The following ARHGEF39 variants were observed in gnomAD, a reference collection of about 807,000 sequenced individuals.
ARHGEF39 encodes Rho guanine nucleotide exchange factor 39, also known as Rho guanine nucleotide exchange factor (GEF) 39.
A neutral mutation model predicts 47.5 loss-of-function variants in ARHGEF39; 45 were observed. The ratio of observed to expected loss-of-function variants is 0.95; its 90% CI spans 0.75 to 1.22. The LOEUF (loss-of-function observed/expected upper bound fraction) is 1.22, where lower values mean the gene tolerates loss of function less well. Among genes scored for constraint, ARHGEF39 ranks in the 50% most tolerant of loss-of-function variants. The probability of loss-of-function intolerance (pLI) is 0.00; values close to 1 mark genes in which losing one functional copy is unlikely to be tolerated. For synonymous variants in ARHGEF39, 164 were observed against 167.8 expected (o/e 0.98, Z 0.17); for missense variants, 411 against 425.3 (o/e 0.97, Z 0.30).
rs889503463 is a variant in ARHGEF39, at chr9:35,659,411, T to C, written c.*2576A>G. 2.6e-5 allele frequency: 4 copies of C among 152,234 alleles called. No individual in the cohort carries two copies. The highest frequency in any genetic ancestry group is 6.5e-5 in the Admixed American group (1 of 15,284). 9.4% of individuals were successfully genotyped at this position (152,234 alleles called of 1,614,324 possible). A position where few individuals can be genotyped will look rare whatever the true frequency, so the allele number is the denominator to read the frequency against. Reference sequence around the variant, plus strand: ...GACTAGTAAATTCTGTTCTTGGACCTGAGTACAGTCTGGGAGAAACATAAT... The same window carrying C: ...GACTAGTAAATTCTGTTCTTGGACCCGAGTACAGTCTGGGAGAAACATAAT... On this transcript the variant is annotated 3_prime_UTR_variant, in exon 9 of 9. Transcript: ENST00000378387.
At position 35,661,420 on chromosome 9, in the gene ARHGEF39, G is replaced by A; in HGVS notation, c.*567C>T. ...AAATCCCTTTTCTCATAGCAAAACTGAGACAGAAGGGTCTTTCCCAAAAAA... is the reference window on the plus strand; with the variant it reads ...AAATCCCTTTTCTCATAGCAAAACTAAGACAGAAGGGTCTTTCCCAAAAAA... On this transcript the variant is annotated 3_prime_UTR_variant, in exon 9 of 9. Coordinates refer to ENST00000378387, the MANE Select transcript of ARHGEF39 (RefSeq NM_032818.3). 2.2e-6 allele frequency: 1 copy of A among 453,350 alleles called. No individual in the cohort carries two copies. The highest frequency in any genetic ancestry group is 3.9e-6 in the Non-Finnish European group (1 of 258,178). The allele number at this position is 453,350 out of a possible 1,614,324, so 28.1% of individuals were successfully genotyped here.
chr9:35,660,757 T>TG lies in ARHGEF39; in HGVS notation c.*1229dup. ...GGACATTTCTTCAGTGTGACTACTCTGGCTGGAGCCCAGCAGGAGCTTCTG... is the reference window on the plus strand; with the variant it reads ...GGACATTTCTTCAGTGTGACTACTCTGGGCTGGAGCCCAGCAGGAGCTTCTG... On this transcript the variant is annotated 3_prime_UTR_variant, in exon 9 of 9. Coordinates refer to ENST00000378387, the MANE Select transcript of ARHGEF39 (RefSeq NM_032818.3). 1.2e-6 allele frequency: 2 copies of TG among 1,613,920 alleles called. No individual in the cohort carries two copies. The highest frequency in any genetic ancestry group is 1.7e-6 in the Non-Finnish European group (2 of 1,179,832).
rs1823819222 is a variant in ARHGEF39, at chr9:35,659,962, A to C, written c.*2025T>G. 1 of 154,796 alleles carries C rather than the reference A, an allele frequency of 6.5e-6. No individual in the cohort carries two copies. The highest frequency in any genetic ancestry group is 1.4e-5 in the Non-Finnish European group (1 of 69,726). The allele number at this position is 154,796 out of a possible 1,614,324, so 9.6% of individuals were successfully genotyped here. ...CAGGTTCAAGCGATTCTCCTGCCTC[A>C]GCCTCTCAAGTAACTGGGATTACAG... On this transcript the variant is annotated 3_prime_UTR_variant, in exon 9 of 9. Transcript: ENST00000378387.
chr9:35,664,473 C>A lies in ARHGEF39; in HGVS notation c.253G>T (p.Glu85Ter). Residue 85 changes from glutamate to a stop codon, truncating the protein, a stop_gained, in exon 3 of 9, where the codon GAA becomes TAA. Coordinates refer to ENST00000378387, the MANE Select transcript of ARHGEF39 (RefSeq NM_032818.3). LOFTEE classifies it high-confidence loss of function. ...AGCCCTTGGCCCCAGCATCCTCCTT[C>A]CAGGTAGGGAAGCAGCTCCCTGTGT... ...GASQELLPYL[E>*]GGCWGQGLEG... The A allele has an allele frequency of 6.2e-7, 1 of 1,605,498 alleles. No homozygotes were observed. The highest frequency in any genetic ancestry group is 8.5e-7 in the Non-Finnish European group (1 of 1,175,232).
In ARHGEF39 at chr9:35,662,747, G is replaced by T; in HGVS notation, c.674-6C>A. On this transcript the variant is annotated splice_region_variant and splice_polypyrimidine_tract_variant and intron_variant, in intron 6 of 8. Transcript: ENST00000378387. ...CTGGCGTAGGAACCAGCGCCCTGGG[G>T]GATGGGAGCGCTGTTATTCTGGTGC... 1 of 1,552,942 alleles carries T rather than the reference G, an allele frequency of 6.4e-7. No individual in the cohort carries two copies.
At chr9:35,662,033 T>C in intron 8 of ARHGEF39, 31 bp from the exon 9 acceptor site, 2 of 1,613,488 alleles carry the variant, frequency 1.2e-6, no homozygotes, top group Non-Finnish European at 1.7e-6. Flanking sequence ...GTTCAGGCAC[T>C]GGTATGAGTG....
chr9:35,664,518 G>A (rs372692571), intron 2 of ARHGEF39, 26 bp from the exon 3 acceptor site: 214 of 1,578,044 alleles, frequency 1.4e-4, no homozygotes, highest in Non-Finnish European at 1.8e-4. Flanking sequence ...CAGCAAAAGG[G>A]CAGCTCTAGA....
chr9:35,663,734 C>T (rs973414309), intron 4 of ARHGEF39, among the ~76,000 whole-genome samples: 10 of 152,250 alleles, frequency 6.6e-5, no homozygotes, highest in African/African-American at 1.9e-4. Flanking sequence ...AGGCCAGCCC[C>T]GCATCTGAAA....
rs571834180 is a variant in ARHGEF39 at position 35,662,820 on chromosome 9, G to C, written c.674-79C>G. 6.6e-6 allele frequency: 10 copies of C among 1,524,918 alleles called. No individual in the cohort carries two copies. In the Admixed American group the frequency reaches 8.2e-5, roughly 12 times the overall value. The allele number at this position is 1,524,918 out of a possible 1,614,324, so 94.5% of individuals were successfully genotyped here. ...AGAGGAAAGGGAGGCTGAGAAAATA[G>C]GGGTTATGTGCTGGGTCAGTACAGG... On this transcript the variant is annotated intron_variant, in intron 6 of 8. Transcript: ENST00000378387.
At position 35,661,009 on chromosome 9, in the gene ARHGEF39, C is replaced by T. The variant is rs778499991; in HGVS notation, c.*978G>A. 16 of 1,613,958 alleles carry T rather than the reference C, an allele frequency of 9.9e-6. No homozygotes were observed. In the East Asian group the frequency reaches 3.6e-4, roughly 36 times the overall value. The stretch of plus-strand genomic sequence containing the variant: ...GAGGAGGAGATTGGTGACAGTCAGG[C>T]CTGGGAGGAGCCCACAAACTGGAGC... On this transcript the variant is annotated 3_prime_UTR_variant, in exon 9 of 9. Transcript: ENST00000378387.
chr9:35,663,317 C>G lies in ARHGEF39; in HGVS notation c.544+5G>C. Reference sequence around the variant, plus strand: ...AGCCTGCGTTGCCGAGGAGCAAGAACCTACGTGTGAGCTGTTGATGGTCAG... The same window carrying G: ...AGCCTGCGTTGCCGAGGAGCAAGAAGCTACGTGTGAGCTGTTGATGGTCAG... On this transcript the variant is annotated splice_donor_5th_base_variant and intron_variant, in intron 5 of 8. Coordinates refer to ENST00000378387, the MANE Select transcript of ARHGEF39 (RefSeq NM_032818.3). The G allele has an allele frequency of 6.2e-7, 1 of 1,613,906 alleles. No individual in the cohort carries two copies.
Position 35,660,674 on chromosome 9 carries a change from TTTTGGGGAATTTGTGGCAGGAGGGAGGAA to T in ARHGEF39, c.*1284_*1312del. ...TGAGGAGAGCAATGATTCTGTGAAT[TTTTGGGGAATTTGTGGCAGGAGGGAGGAA>T]TGGGGACATAGGTTGGGAGCCACTG... On this transcript the variant is annotated 3_prime_UTR_variant, in exon 9 of 9. Transcript: ENST00000378387. 1.2e-6 allele frequency: 2 copies of T among 1,613,968 alleles called. No individual in the cohort carries two copies. Among genetic ancestry groups the T allele is most frequent in the South Asian group, 2.2e-5 (2 of 91,070 alleles).
chr9:35,661,059 T>G lies in ARHGEF39; in HGVS notation c.*928A>C. On this transcript the variant is annotated 3_prime_UTR_variant, in exon 9 of 9. Coordinates refer to ENST00000378387, the MANE Select transcript of ARHGEF39 (RefSeq NM_032818.3). Reference sequence around the variant, plus strand: ...CACAGAGACATGGAACCTAGCTACTTCCTGGGAGGTGGGGCGGGGACTACG... The same window carrying G: ...CACAGAGACATGGAACCTAGCTACTGCCTGGGAGGTGGGGCGGGGACTACG... 6.2e-7 allele frequency: 1 copy of G among 1,614,158 alleles called. No homozygotes were observed.
At position 35,664,479 on chromosome 9, in the gene ARHGEF39, A is replaced by G. The variant is rs1257506106; in HGVS notation, c.247T>C (p.Tyr83His). 2.5e-6 allele frequency: 4 copies of G among 1,603,566 alleles called. No individual in the cohort carries two copies. Among genetic ancestry groups the G allele is most frequent in the Admixed American group, 1.7e-5 (1 of 58,066 alleles). ...IYGASQELLPYLEGGCWGQGL... is the reference protein window; with the variant it reads ...IYGASQELLPHLEGGCWGQGL... ...TGGCCCCAGCATCCTCCTTCCAGGT[A>G]GGGAAGCAGCTCCCTGTGTGGGCAA... The change falls in exon 3 of 9, where the codon TAC becomes CAC. Residue 83 changes from tyrosine (Y) to histidine (H), a missense_variant. Tyr to His is a moderately conservative substitution (Grantham distance 83). Coordinates refer to ENST00000378387, the MANE Select transcript of ARHGEF39 (RefSeq NM_032818.3).
At position 35,660,480 on chromosome 9, in the gene ARHGEF39, T is replaced by A. The variant is rs1187054801; in HGVS notation, c.*1507A>T. 1 of 1,613,244 alleles carries A rather than the reference T, an allele frequency of 6.2e-7. No individual in the cohort carries two copies. ...CAGTCAGGTGGGTTTAGCAGAAGTC[T>A]GTGCTGGGTCGGGGGAGTTTAGGGG... On this transcript the variant is annotated 3_prime_UTR_variant, in exon 9 of 9. Coordinates refer to ENST00000378387, the MANE Select transcript of ARHGEF39 (RefSeq NM_032818.3).
At position 35,661,084 on chromosome 9, in the gene ARHGEF39, G is replaced by A. The variant is rs756761846; in HGVS notation, c.*903C>T. ...TCCTGGGAGGTGGGGCGGGGACTACGGAGAAGGTGCAGCCAGGCTGTGGCA... is the reference window on the plus strand; with the variant it reads ...TCCTGGGAGGTGGGGCGGGGACTACAGAGAAGGTGCAGCCAGGCTGTGGCA... On this transcript the variant is annotated 3_prime_UTR_variant, in exon 9 of 9. Transcript: ENST00000378387. 39 of 1,614,160 alleles carry A rather than the reference G, an allele frequency of 2.4e-5. No individual in the cohort carries two copies. The highest frequency in any genetic ancestry group is 3.3e-4 in the Middle Eastern group (2 of 6,060).
chr9:35,660,346 G>A lies in ARHGEF39; in HGVS notation c.*1641C>T. The A allele has an allele frequency of 6.8e-7, 1 of 1,467,128 alleles. No homozygotes were observed. The highest frequency in any genetic ancestry group is 9.2e-7 in the Non-Finnish European group (1 of 1,085,096). 90.9% of individuals were successfully genotyped at this position (1,467,128 alleles called of 1,614,324 possible). A position where few individuals can be genotyped will look rare whatever the true frequency, so the allele number is the denominator to read the frequency against. ...CTCTTGGCTGGCTCTGGAGACTGAGGTGATGGAGCAGAACCTTGTTGCTTC... is the reference window on the plus strand; with the variant it reads ...CTCTTGGCTGGCTCTGGAGACTGAGATGATGGAGCAGAACCTTGTTGCTTC... On this transcript the variant is annotated 3_prime_UTR_variant, in exon 9 of 9. Coordinates refer to ENST00000378387, the MANE Select transcript of ARHGEF39 (RefSeq NM_032818.3).
Position 35,660,951 on chromosome 9 carries a change from C to T in ARHGEF39, c.*1036G>A, listed in dbSNP as rs2131820996. On this transcript the variant is annotated 3_prime_UTR_variant, in exon 9 of 9. Coordinates refer to ENST00000378387, the MANE Select transcript of ARHGEF39 (RefSeq NM_032818.3). ...CTCTCCCCACACAGAGGCCAGCAGA[C>T]CTCTTCCTGAGGACTTCTGTTTAAA... is the stretch of plus-strand genomic sequence containing the variant. 6.2e-7 allele frequency: 1 copy of T among 1,614,172 alleles called. No individual in the cohort carries two copies. The highest frequency in any genetic ancestry group is 8.5e-7 in the Non-Finnish European group (1 of 1,180,042).
chr9:35,662,807 G>A, intron 6 of ARHGEF39, 66 bp from the exon 7 acceptor site: 1 of 1,520,078 alleles, frequency 6.6e-7, no homozygotes, highest in South Asian at 1.2e-5. Flanking sequence ...AGGAAAGGGA[G>A]GCTGAGAAAA....
Sources: gnomAD v4.1 joint callset for allele counts (sites outside exome capture counted in the v4.1 genomes callset) on GRCh38, gnomAD v4.1.1 for gene constraint, MANE v1.5 for transcripts, NCBI Gene and HGNC (gene_info 2026-07-23, HGNC 2026-07-21) for gene names.